The following CDC73 variants were observed in gnomAD, a reference collection of about 807,000 sequenced individuals.
CDC73 encodes the protein parafibromin.
CDC73 carries 21 observed loss-of-function variants against 83.7 expected under a neutral mutation model. The observed-to-expected ratio is 0.25, with a 90% CI of 0.18 to 0.36. CDC73 has a LOEUF of 0.36. Ranked by LOEUF, CDC73 falls within the 10% of genes least tolerant of loss-of-function variation. The pLI, the probability that CDC73 is intolerant of heterozygous loss-of-function variation, is 1.00. For synonymous variants in CDC73, 224 were observed against 212.9 expected (o/e 1.05, Z -0.45); for missense variants, 342 against 653.3 (o/e 0.52, Z 5.19).
At chr1:193,193,675 T>G (rs188092101) in intron 10 of CDC73, among the ~76,000 whole-genome samples, 2 of 152,298 alleles carry the variant, frequency 1.3e-5, no homozygotes, top group East Asian at 3.9e-4. Context: ...TTCACTGATT[T>G]TCTCTCACCT....
At chr1:193,234,171 TCTCTCA>T (rs1340677926) in intron 14 of CDC73, among the ~76,000 whole-genome samples, 57 of 75,628 alleles carry the variant, frequency 7.5e-4, no homozygotes, top group Non-Finnish European at 8.5e-4. Context: ...TCTCTCTCTC[TCTCTCA>T]CACACACACA....
At chr1:193,144,563 A>G (rs1028279337) in intron 7 of CDC73, among the ~76,000 whole-genome samples, 8 of 152,196 alleles carry the variant, frequency 5.3e-5, no homozygotes, top group African/African-American at 1.4e-4. Context: ...AATCAAGGCA[A>G]TGGCACTTAG....
chr1:193,186,187 C>T (rs894500950), intron 10 of CDC73: 14 of 153,006 alleles, frequency 9.1e-5, no homozygotes, highest in African/African-American at 3.1e-4. Flanking sequence ...GTCTGCTTGT[C>T]TTCGAGTTAC....
rs761016442 is a variant in CDC73, at chr1:193,250,665, A to AT, written c.1560-4dup. The AT allele has an allele frequency of 7.6e-5, 121 of 1,596,476 alleles. 1 individual carries two copies. The highest frequency in any genetic ancestry group is 1.6e-5 in the Non-Finnish European group (19 of 1,165,160). Reference sequence around the variant, plus strand: ...TATAGTCATTATAACCTACCATAATATTTTTTTCAGGTACATGGTAAAGCA... The same window carrying AT: ...TATAGTCATTATAACCTACCATAATATTTTTTTTCAGGTACATGGTAAAGCA... On this transcript the variant is annotated splice_polypyrimidine_tract_variant and intron_variant, in intron 16 of 16. Coordinates refer to ENST00000367435, the MANE Select transcript of CDC73 (RefSeq NM_024529.5).
intron 10 of CDC73, chr1:193,181,631 T>A (rs947874761): frequency 7.5e-7 from 1 of 1,330,932 alleles, no homozygotes; most frequent in African/African-American, 1.5e-5. Flanking sequence ...CTTAATACTA[T>A]TCTTTGGCAA....
At chr1:193,145,289 A>G (rs1006093281) in intron 7 of CDC73, among the ~76,000 whole-genome samples, 1 of 152,210 alleles carries the variant, frequency 6.6e-6, no homozygotes, top group Non-Finnish European at 1.5e-5. Flanking sequence ...GCATTTTGGT[A>G]TGATATCAAA....
chr1:193,198,301 G>C (rs769360272), intron 10 of CDC73, among the ~76,000 whole-genome samples: 18 of 152,194 alleles, frequency 1.2e-4, no homozygotes, highest in Non-Finnish European at 2.2e-4. Flanking sequence ...CCCCACTGTG[G>C]TGATATTAAG....
At chr1:193,221,841 A>G (rs1196185123) in intron 13 of CDC73, among the ~76,000 whole-genome samples, 1 of 152,112 alleles carries the variant, frequency 6.6e-6, no homozygotes, top group Non-Finnish European at 1.5e-5. Flanking sequence ...CATCTCCCCT[A>G]CAGTTTGAGT....
intron 10 of CDC73, chr1:193,180,033 A>AT: frequency 3.6e-6 from 1 of 274,074 alleles, no homozygotes; most frequent in East Asian, 6.6e-5. Flanking sequence ...TGAACCATTG[A>AT]TTTATGCATG....
At chr1:193,250,504 G>A (rs1271891754) in intron 16 of CDC73, among the ~76,000 whole-genome samples, 172 bp from the exon 17 acceptor site, 1 of 151,712 alleles carries the variant, frequency 6.6e-6, no homozygotes, top group Non-Finnish European at 1.5e-5. Flanking sequence ...TTAATAAGAG[G>A]AGTGTTATTT....
At chr1:193,151,487 G>C (rs1046916050) in intron 9 of CDC73, among the ~76,000 whole-genome samples, 12 of 152,140 alleles carry the variant, frequency 7.9e-5, no homozygotes, top group Non-Finnish European at 1.5e-5. Flanking sequence ...TGTTTATTCT[G>C]CTTTTGCACT....
chr1:193,155,005 T>G (rs1386549206), intron 10 of CDC73, among the ~76,000 whole-genome samples: 3 of 152,238 alleles, frequency 2.0e-5, no homozygotes. Context: ...AAGGTTTTGA[T>G]ATGCCTGGTT....
intron 10 of CDC73, among the ~76,000 whole-genome samples, chr1:193,171,259 A>C (rs540504071): frequency 6.6e-6 from 1 of 152,226 alleles, no homozygotes; most frequent in Non-Finnish European, 1.5e-5. Flanking sequence ...CTATTGTCAC[A>C]GTAATAAATT....
chr1:193,190,381 A>G (rs1467805534), intron 10 of CDC73, among the ~76,000 whole-genome samples: 2 of 152,148 alleles, frequency 1.3e-5, no homozygotes, highest in Admixed American at 6.5e-5. Flanking sequence ...TTGGTTATTT[A>G]ATATTAGTAT....
At chr1:193,193,151 A>G (rs980532134) in intron 10 of CDC73, among the ~76,000 whole-genome samples, 2 of 152,170 alleles carry the variant, frequency 1.3e-5, no homozygotes, top group Non-Finnish European at 2.9e-5. Context: ...ACCAAGAGAT[A>G]ATGTTTGACT....
At chr1:193,124,220 A>G (rs1021544634) in intron 1 of CDC73, among the ~76,000 whole-genome samples, 1 of 152,258 alleles carries the variant, frequency 6.6e-6, no homozygotes, top group Non-Finnish European at 1.5e-5. Context: ...GCACATGCAC[A>G]TGGAAATATA....
At chr1:193,180,460 C>T (rs1368778025) in intron 10 of CDC73, 4 of 1,613,824 alleles carry the variant, frequency 2.5e-6, no homozygotes, top group African/African-American at 2.7e-5. Context: ...ATAAGAGACT[C>T]GCCAGTGATT....
intron 13 of CDC73, among the ~76,000 whole-genome samples, chr1:193,232,463 C>T (rs1200316362): frequency 1.3e-5 from 2 of 152,098 alleles, no homozygotes; most frequent in Admixed American, 6.5e-5. Context: ...CACATACACA[C>T]ACACACACAC....
intron 2 of CDC73, among the ~76,000 whole-genome samples, chr1:193,126,058 C>A (rs1231674754): frequency 6.6e-6 from 1 of 152,068 alleles, no homozygotes; most frequent in Non-Finnish European, 1.5e-5. Context: ...CCTAGGAGAT[C>A]AAGACCAGCC....
Sources: gnomAD v4.1 joint callset for allele counts (sites outside exome capture counted in the v4.1 genomes callset) on GRCh38, gnomAD v4.1.1 for gene constraint, MANE v1.5 for transcripts, NCBI Gene and HGNC (gene_info 2026-07-23, HGNC 2026-07-21) for gene names.